The following SYNE1 variants were observed in gnomAD, a reference collection of about 807,000 sequenced individuals.
SYNE1 encodes nesprin-1.
Under a neutral mutation model 1,111.0 loss-of-function variants are expected in SYNE1, and 616 were observed. The ratio of observed to expected loss-of-function variants is 0.55; its 90% CI spans 0.52 to 0.59. The LOEUF is 0.59. SYNE1 is among the 20% of genes least tolerant of loss of function. The pLI is 0.00. For missense variants in SYNE1, 10,006 were observed against 10,417.0 expected (o/e 0.96, Z 1.72); for synonymous variants, 3,855 against 3,825.8 (o/e 1.01, Z -0.28).
At chr6:152,578,796 T>C (rs1016561941) in intron 3 of SYNE1, among the ~76,000 whole-genome samples, 15 of 152,228 alleles carry the variant, frequency 9.9e-5, no homozygotes, top group African/African-American at 3.6e-4. Flanking sequence ...TATGAATTTA[T>C]CTAATAACAT....
At chr6:152,568,289 C>CTTTTTTTTTTTTTTTTATTT (rs2099426087) in intron 3 of SYNE1, among the ~76,000 whole-genome samples, 1 of 80,310 alleles carries the variant, frequency 1.2e-5, no homozygotes, top group Admixed American at 1.7e-4. Flanking sequence ...TTATTTTATT[C>CTTTTTTTTTTTTTTTTATTT]TTTTTTTTTT....
intron 4 of SYNE1, among the ~76,000 whole-genome samples, chr6:152,538,345 A>G (rs2099253573): frequency 1.3e-5 from 2 of 152,172 alleles, no homozygotes; most frequent in African/African-American, 4.8e-5. Context: ...GATAAACATG[A>G]CAAAGTTTAT....
In SYNE1 at chr6:152,363,173, A is replaced by G. The variant is rs528511965; in HGVS notation, c.10146-850T>C. Among the ~76,000 whole-genome samples the G allele has an allele frequency of 3.2e-3, 441 of 137,278 alleles. 3 individuals carry two copies. The highest frequency in any genetic ancestry group is 0.01 in the African/African-American group (384 of 38,198). The allele number at this position is 137,278 out of a possible 152,430, so 90.1% of individuals were successfully genotyped here. On this transcript the variant is annotated intron_variant, in intron 63 of 145. Coordinates refer to ENST00000367255, the MANE Select transcript of SYNE1 (RefSeq NM_182961.4). ...TGGGAATACAGGCGTGAGCCACCACACCCGGCCTACACATGCTATATTTTA... is the reference window on the plus strand; with the variant it reads ...TGGGAATACAGGCGTGAGCCACCACGCCCGGCCTACACATGCTATATTTTA...
At chr6:152,331,996 G>A in intron 77 of SYNE1, 106 bp from the exon 78 acceptor site, 2 of 1,525,014 alleles carry the variant, frequency 1.3e-6, no homozygotes, top group South Asian at 2.3e-5. Flanking sequence ...TGGAGACTGA[G>A]TTTTGCTCTT....
Position 152,318,904 on chromosome 6 carries a change from C to T in SYNE1, c.16348G>A (p.Ala5450Thr), listed in dbSNP as rs767940531. Residue 5450 changes from alanine to threonine, a missense_variant, in exon 85 of 146, where the codon GCG becomes ACG. By Grantham distance (58) the Ala-to-Thr change is moderately conservative (BLOSUM62 0). This residue lies in a region of SYNE1 where 4,955 missense variants were observed against 5,017.2 expected (regional missense o/e 0.99). Coordinates refer to ENST00000367255, the MANE Select transcript of SYNE1 (RefSeq NM_182961.4). ...DLTTILTKLK[A>T]KTDNVVQAKT... The stretch of plus-strand genomic sequence containing the variant: ...GCTTGAACTACATTATCTGTCTTCG[C>T]TTTCAGCTTAGTTAGAATAGTTGTG... 2.5e-6 allele frequency: 4 copies of T among 1,614,216 alleles called. No individual in the cohort carries two copies. The South Asian group carries it at 3.3e-5, about 13-fold the overall frequency.
At chr6:152,584,104 A>T (rs953206995) in intron 3 of SYNE1, among the ~76,000 whole-genome samples, 5 of 152,200 alleles carry the variant, frequency 3.3e-5, no homozygotes, top group African/African-American at 1.2e-4. Context: ...TTGGCAGATT[A>T]TGACACTTGT....
At chr6:152,512,575 A>G (rs1332849090) in intron 6 of SYNE1, among the ~76,000 whole-genome samples, 1 of 152,128 alleles carries the variant, frequency 6.6e-6, no homozygotes, top group Non-Finnish European at 1.5e-5. Context: ...TTCCTTGTGC[A>G]TCATTTTTTA....
intron 75 of SYNE1, among the ~76,000 whole-genome samples, chr6:152,338,679 A>C (rs11756362): frequency 0.12 from 18,985 of 152,176 alleles, 1,378 homozygotes; most frequent in Non-Finnish European, 0.14. Flanking sequence ...GGAAGAGTTT[A>C]AGGCTGCAGT....
At chr6:152,316,064 C>A (rs983115128) in intron 87 of SYNE1, 1 of 152,226 alleles carries the variant, frequency 6.6e-6, no homozygotes, top group Non-Finnish European at 1.5e-5. Flanking sequence ...AGCCTATTAA[C>A]TATCTGTGTC....
chr6:152,317,248 T>C (rs78884270), intron 86 of SYNE1, among the ~76,000 whole-genome samples: 20 of 151,200 alleles, frequency 1.3e-4, no homozygotes, highest in Non-Finnish European at 2.5e-4. Flanking sequence ...TTTTTTTTTT[T>C]CCAAGGTCTT....
chr6:152,346,844 T>C (rs1031848929), intron 73 of SYNE1, among the ~76,000 whole-genome samples: 4 of 151,120 alleles, frequency 2.6e-5, no homozygotes, highest in African/African-American at 9.7e-5. Context: ...AACCAATATC[T>C]GAAATTCACT....
chr6:152,416,454 C>T lies in SYNE1; in HGVS notation c.5983G>A (p.Glu1995Lys). ...DQKEELLKSI[E>K]DIEERTDKER... Reference sequence around the variant, plus strand: ...TTGTCAGTCCTTTCTTCAATGTCCTCAATGCTTTTCAGAAGCTCCTCTTTC... The same window carrying T: ...TTGTCAGTCCTTTCTTCAATGTCCTTAATGCTTTTCAGAAGCTCCTCTTTC... Residue 1995 changes from glutamate to lysine, a missense_variant, in exon 41 of 146, where the codon GAG (glutamate) becomes AAG (lysine). By Grantham distance (56) the Glu-to-Lys change is moderately conservative. Transcript: ENST00000367255. The T allele has an allele frequency of 6.2e-7, 1 of 1,614,148 alleles. No individual in the cohort carries two copies. Among genetic ancestry groups the T allele is most frequent in the Non-Finnish European group, 8.5e-7 (1 of 1,180,026 alleles).
At chr6:152,550,364 AG>A (rs1286769032) in intron 3 of SYNE1, among the ~76,000 whole-genome samples, 2 of 152,146 alleles carry the variant, frequency 1.3e-5, no homozygotes, top group Admixed American at 1.3e-4. Context: ...AACTATATAA[AG>A]CAAAATCTAT....
intron 110 of SYNE1, among the ~76,000 whole-genome samples, chr6:152,235,552 G>A (rs1005535962): frequency 5.9e-5 from 9 of 152,084 alleles, no homozygotes; most frequent in Non-Finnish European, 1.2e-4. Flanking sequence ...GTAGAAATGG[G>A]GTTTCTCCAT....
intron 3 of SYNE1, among the ~76,000 whole-genome samples, chr6:152,581,627 C>A (rs1022894810): frequency 2.6e-5 from 4 of 152,212 alleles, no homozygotes; most frequent in Non-Finnish European, 4.4e-5. Context: ...GTCCTGTCCT[C>A]AGACCTCCCT....
chr6:152,217,736 C>T (rs868014337), intron 121 of SYNE1, among the ~76,000 whole-genome samples: 11 of 151,820 alleles, frequency 7.2e-5, no homozygotes, highest in African/African-American at 1.9e-4. Context: ...AGGGACCAGC[C>T]GTGGAAAGGA....
At chr6:152,598,126 TC>T (rs1293369615) in intron 3 of SYNE1, among the ~76,000 whole-genome samples, 9 of 152,138 alleles carry the variant, frequency 5.9e-5, no homozygotes, top group African/African-American at 2.2e-4. Flanking sequence ...CCCACCCAAA[TC>T]TAATCTTGAA....
intron 6 of SYNE1, among the ~76,000 whole-genome samples, chr6:152,516,012 C>G (rs2154343449): frequency 6.6e-6 from 1 of 151,970 alleles, no homozygotes; most frequent in South Asian, 2.1e-4. Flanking sequence ...AAAAAAAATC[C>G]AAATGGAAGA....
chr6:152,483,212 G>T lies in SYNE1; in HGVS notation c.1223C>A (p.Pro408His), dbSNP rs1230189957. 6.2e-7 allele frequency: 1 copy of T among 1,614,158 alleles called. No individual in the cohort carries two copies. Among genetic ancestry groups the T allele is most frequent in the Non-Finnish European group, 8.5e-7 (1 of 1,180,010 alleles). The part of the protein sequence containing the change: ...DWHIQLDKSL[P>H]APLGTIGAWL... The stretch of plus-strand genomic sequence containing the variant: ...GGCACCTATGGTGCCCAGAGGTGCA[G>T]GAAGAGATTTATCAAGCTGTATATG... The change falls in exon 14 of 146, where the codon CCT (proline) becomes CAT (histidine). Residue 408 changes from proline to histidine, a missense_variant. Around this residue, in one of 7 missense-constraint regions of SYNE1, gnomAD observed 1,971 missense variants for 2,084.1 expected, o/e 0.95. Transcript: ENST00000367255.
Sources: gnomAD v4.1 joint callset for allele counts (sites outside exome capture counted in the v4.1 genomes callset) on GRCh38, gnomAD v4.1.1 for gene constraint, gnomAD v4.1.1 regional missense constraint, MANE v1.5 for transcripts, NCBI Gene and HGNC (gene_info 2026-07-23, HGNC 2026-07-21) for gene names.